The following GLIS3 variants were observed in gnomAD, a reference collection of about 807,000 sequenced individuals.
GLIS3 encodes the protein GLIS family zinc finger 3.
A neutral mutation model predicts 78.6 loss-of-function variants in GLIS3; 53 were observed. That is an observed-to-expected ratio of 0.67 (90% CI 0.54 to 0.85). The LOEUF (loss-of-function observed/expected upper bound fraction) is 0.85. Among genes scored for constraint, GLIS3 ranks in the 40% least tolerant of loss-of-function variants. The pLI, the probability that GLIS3 is intolerant of heterozygous loss-of-function variation, is 0.00. For synonymous variants in GLIS3, 684 were observed against 509.9 expected, an observed-to-expected ratio of 1.34 and a Z score of -4.60; for missense variants, 1,703 against 1,231.1, an observed-to-expected ratio of 1.38 and a Z score of -5.74.
chr9:4,054,571 C>A, intron 4 of GLIS3: 2 of 796,996 alleles, frequency 2.5e-6, no homozygotes, highest in Non-Finnish European at 3.0e-6. Flanking sequence ...ACAAGTCACA[C>A]CAGTCACAAA....
At chr9:4,143,233 G>A (rs772877289) in intron 2 of GLIS3, among the ~76,000 whole-genome samples, 12 of 151,656 alleles carry the variant, frequency 7.9e-5, no homozygotes, top group Non-Finnish European at 1.5e-4. Flanking sequence ...ATGTGCGCAC[G>A]TGTGTATTTG....
the GLIS3 span, among the ~76,000 whole-genome samples, chr9:4,418,913 G>T: frequency 6.6e-6 from 1 of 152,140 alleles, no homozygotes; most frequent in Non-Finnish European, 1.5e-5. Context: ...TCAAGTTGCT[G>T]CCCTGCATGG....
At chr9:3,889,962 A>T (rs1822322625) in intron 7 of GLIS3, among the ~76,000 whole-genome samples, 1 of 152,204 alleles carries the variant, frequency 6.6e-6, no homozygotes, top group Non-Finnish European at 1.5e-5. Context: ...TTGAAATATG[A>T]AAACTAAATT....
intron 2 of GLIS3, among the ~76,000 whole-genome samples, chr9:4,210,466 TTAGAA>T (rs1280533780): frequency 6.6e-6 from 1 of 152,222 alleles, no homozygotes; most frequent in Non-Finnish European, 1.5e-5. Flanking sequence ...ATGCTCTGAA[TTAGAA>T]TAGAATAGAA....
chr9:4,385,665 CAAAAA>C, the GLIS3 span, among the ~76,000 whole-genome samples: 1 of 75,316 alleles, frequency 1.3e-5, no homozygotes, highest in Non-Finnish European at 2.4e-5. Flanking sequence ...AACTCCATCT[CAAAAA>C]AAAAAAAAAA....
intron 1 of GLIS3, among the ~76,000 whole-genome samples, chr9:4,293,907 T>G (rs1404213095): frequency 6.6e-6 from 1 of 152,238 alleles, no homozygotes; most frequent in Non-Finnish European, 1.5e-5. Context: ...CCAGCTTTCC[T>G]TGACTCAAGT....
intron 2 of GLIS3, among the ~76,000 whole-genome samples, chr9:4,154,215 G>C (rs1265963921): frequency 6.6e-6 from 1 of 152,100 alleles, no homozygotes; most frequent in African/African-American, 2.4e-5. Context: ...AAACAGTCTT[G>C]GAACCCATGC....
intron 2 of GLIS3, among the ~76,000 whole-genome samples, chr9:4,311,076 C>T (rs1454575951): frequency 3.3e-5 from 5 of 152,166 alleles, no homozygotes; most frequent in Non-Finnish European, 7.3e-5. Flanking sequence ...AGAGTGTCTT[C>T]GCAGGAGTTC....
At chr9:4,247,922 G>A (rs1823953692) in intron 2 of GLIS3, among the ~76,000 whole-genome samples, 2 of 152,042 alleles carry the variant, frequency 1.3e-5, no homozygotes, top group South Asian at 2.1e-4. Context: ...ATTACTCTCA[G>A]TTATTTTGAA....
At chr9:4,442,131 C>G in the GLIS3 span, among the ~76,000 whole-genome samples, 31 of 152,308 alleles carry the variant, frequency 2.0e-4, no homozygotes, top group Non-Finnish European at 1.5e-5. Flanking sequence ...TCTCCTTACT[C>G]ACTATTGGGC....
chr9:4,449,548 A>G, the GLIS3 span, among the ~76,000 whole-genome samples: 1 of 152,218 alleles, frequency 6.6e-6, no homozygotes, highest in African/African-American at 2.4e-5. Flanking sequence ...GTGTAGCCTA[A>G]CTGGGAGACA....
intron 4 of GLIS3, among the ~76,000 whole-genome samples, chr9:4,066,228 G>A (rs1036302207): frequency 3.3e-5 from 5 of 152,134 alleles, no homozygotes; most frequent in Non-Finnish European, 4.4e-5. Context: ...GCACAGAAGC[G>A]AAAGAGACTC....
chr9:4,092,781 A>T (rs1363922636), intron 4 of GLIS3, among the ~76,000 whole-genome samples: 1 of 152,240 alleles, frequency 6.6e-6, no homozygotes, highest in African/African-American at 2.4e-5. Context: ...TATAAACAGA[A>T]GGAAAGCACT....
At chr9:3,981,056 G>C (rs141159566) in intron 4 of GLIS3, among the ~76,000 whole-genome samples, 1,858 of 152,278 alleles carry the variant, frequency 0.012, 30 homozygotes, top group Middle Eastern at 0.044. Flanking sequence ...TCGGGCAGCA[G>C]CCAAGAACTG....
rs372883277 is a variant in GLIS3, at chr9:3,969,030, T to C, written c.1711-31841A>G. On this transcript the variant is annotated intron_variant, in intron 4 of 10. Transcript: ENST00000381971. ...TTTTTCCATTGTGTCACAGAAGCAATTGTCAGGACCAATGACTTGTCCGTG... is the reference window on the plus strand; with the variant it reads ...TTTTTCCATTGTGTCACAGAAGCAACTGTCAGGACCAATGACTTGTCCGTG... Among the ~76,000 whole-genome samples, 215 of 152,306 alleles carry C rather than the reference T, an allele frequency of 1.4e-3. 2 individuals are homozygous for C. Among genetic ancestry groups the C allele is most frequent in the African/African-American group, 5.1e-3 (211 of 41,572 alleles).
intron 4 of GLIS3, among the ~76,000 whole-genome samples, chr9:4,092,035 G>C (rs1829554131): frequency 6.6e-6 from 1 of 151,978 alleles, no homozygotes; most frequent in Non-Finnish European, 1.5e-5. Context: ...TGAGACCCTA[G>C]GACATTCCTG....
chr9:4,053,060 G>A (rs113392042), intron 4 of GLIS3, among the ~76,000 whole-genome samples: 1 of 152,068 alleles, frequency 6.6e-6, no homozygotes, highest in Non-Finnish European at 1.5e-5. Context: ...CAATTCTCCT[G>A]CCTCAGCCTC....
chr9:4,488,808 G>A, the GLIS3 span, among the ~76,000 whole-genome samples: 103 of 152,218 alleles, frequency 6.8e-4, no homozygotes, highest in African/African-American at 2.2e-3. Context: ...GTGAGCCATC[G>A]CGCCCGGGAC....
At chr9:4,440,115 C>G in the GLIS3 span, among the ~76,000 whole-genome samples, 1 of 152,168 alleles carries the variant, frequency 6.6e-6, no homozygotes, top group Non-Finnish European at 1.5e-5. Flanking sequence ...GTGTAGTTTT[C>G]AAATATTTTC....
Sources: gnomAD v4.1 joint callset for allele counts (sites outside exome capture counted in the v4.1 genomes callset) on GRCh38, gnomAD v4.1.1 for gene constraint, MANE v1.5 for transcripts, NCBI Gene and HGNC (gene_info 2026-07-23, HGNC 2026-07-21) for gene names.